Variants in ANO2 observed in about 807,000 individuals in gnomAD.
ANO2 encodes anoctamin-2.
ANO2 carries 101 observed loss-of-function variants against 124.2 expected under a neutral mutation model. The observed-to-expected ratio is 0.81, with a 90% CI of 0.69 to 0.96. ANO2 has a LOEUF of 0.96. Ranked by LOEUF, ANO2 falls within the 40% of genes least tolerant of loss-of-function variation. The probability of loss-of-function intolerance (pLI) is 0.00; values close to 1 mark genes in which losing one functional copy is unlikely to be tolerated. For missense variants in ANO2, 1,293 were observed against 1,274.5 expected, an observed-to-expected ratio of 1.01 and a Z score of -0.22; for synonymous variants, 486 against 482.5, an observed-to-expected ratio of 1.01 and a Z score of -0.09.
At chr12:5,885,047 T>C (rs887660497) in intron 3 of ANO2, among the ~76,000 whole-genome samples, 1 of 152,218 alleles carries the variant, frequency 6.6e-6, no homozygotes, top group Non-Finnish European at 1.5e-5. Context: ...CCTGGCCTCA[T>C]GTCAGATTAA....
chr12:5,935,644 C>G (rs1325022015), intron 1 of ANO2, among the ~76,000 whole-genome samples: 2 of 152,260 alleles, frequency 1.3e-5, no homozygotes, highest in East Asian at 3.9e-4. Context: ...CAGAAGCATA[C>G]AAGACCTATT....
At chr12:5,625,294 G>A (rs751153491) in intron 16 of ANO2, among the ~76,000 whole-genome samples, 1 of 152,044 alleles carries the variant, frequency 6.6e-6, no homozygotes, top group Non-Finnish European at 1.5e-5. Flanking sequence ...TGAAACTTGT[G>A]AAAAATGGTC....
intron 11 of ANO2, among the ~76,000 whole-genome samples, chr12:5,749,493 T>C (rs1951375337): frequency 6.6e-6 from 1 of 152,246 alleles, no homozygotes; most frequent in Non-Finnish European, 1.5e-5. Context: ...CAACAAATGC[T>C]AGAAAGAGTC....
At chr12:5,898,425 A>C (rs1939942409) in intron 3 of ANO2, among the ~76,000 whole-genome samples, 1 of 152,232 alleles carries the variant, frequency 6.6e-6, no homozygotes, top group Non-Finnish European at 1.5e-5. Flanking sequence ...TTACCAAAAG[A>C]CCTGTAAAAG....
intron 14 of ANO2, among the ~76,000 whole-genome samples, chr12:5,651,648 G>A (rs375573451): frequency 1.3e-5 from 2 of 152,108 alleles, no homozygotes; most frequent in East Asian, 3.9e-4. Flanking sequence ...GTTTACTTCT[G>A]TAAGTTTTGA....
chr12:5,576,055 A>C, intron 22 of ANO2, 40 bp from the exon 23 acceptor site: 1 of 1,544,232 alleles, frequency 6.5e-7, no homozygotes, highest in Non-Finnish European at 8.8e-7. Context: ...GCCAGGATTG[A>C]TGCTAAAAAG....
chr12:5,843,764 C>T (rs1050038163), intron 4 of ANO2, among the ~76,000 whole-genome samples: 105 of 152,220 alleles, frequency 6.9e-4, no homozygotes, highest in African/African-American at 2.4e-3. Context: ...TCATCCTGAG[C>T]GACTCTGCTA....
rs2024477346 is a variant in ANO2 at position 5,635,802 on chromosome 12, G to A, written c.1621-455C>T. Among the ~76,000 whole-genome samples, 1 of 152,164 alleles carries A rather than the reference G, an allele frequency of 6.6e-6. No homozygotes were observed. The highest frequency in any genetic ancestry group is 2.4e-5 in the African/African-American group (1 of 41,442). On this transcript the variant is annotated intron_variant, in intron 15 of 24. Coordinates refer to ENST00000682330, the MANE Select transcript of ANO2 (RefSeq NM_001364791.2). This position sits in a 1 kb window ranked among gnomAD's most constrained non-coding sequence, Gnocchi z 5.2. ...TAAATGAGGAGTATAATTGCTGAAGGAACTCCAAGTACACGGGAGAAAGTA... is the reference window on the plus strand; with the variant it reads ...TAAATGAGGAGTATAATTGCTGAAGAAACTCCAAGTACACGGGAGAAAGTA...
chr12:5,834,787 C>T (rs1208612457), intron 4 of ANO2, among the ~76,000 whole-genome samples: 1 of 152,102 alleles, frequency 6.6e-6, no homozygotes, highest in East Asian at 1.9e-4. Flanking sequence ...ACTCAATTCC[C>T]ACCCTCCTCT....
intron 3 of ANO2, among the ~76,000 whole-genome samples, chr12:5,861,526 C>T (rs1955269985): frequency 6.6e-6 from 1 of 152,190 alleles, no homozygotes; most frequent in African/African-American, 2.4e-5. Context: ...CGGGAGGCAG[C>T]CCCAGCCAAA....
intron 16 of ANO2, among the ~76,000 whole-genome samples, chr12:5,619,973 G>A (rs1945028164): frequency 6.6e-6 from 1 of 152,352 alleles, no homozygotes; most frequent in South Asian, 2.1e-4. Flanking sequence ...AGGCCCAGAG[G>A]TCACTGAGGG....
rs549523109 is a variant in ANO2, at chr12:5,724,578, C to T, written c.1545+7942G>A. Among the ~76,000 whole-genome samples the T allele has an allele frequency of 5.1e-4, 77 of 152,354 alleles. 1 individual carries two copies. The highest frequency in any genetic ancestry group is 7.6e-4 in the Non-Finnish European group (52 of 68,046). ...CAACAATTATGCATAATTTATTCCA[C>T]GTGTTTGTTTATTGTGCCTGCCAGA... On this transcript the variant is annotated intron_variant, in intron 14 of 24. Coordinates refer to ENST00000682330, the MANE Select transcript of ANO2 (RefSeq NM_001364791.2).
At position 5,827,857 on chromosome 12, in the gene ANO2, T is replaced by A. The variant is rs187957025; in HGVS notation, c.841-37A>T. 3.8e-5 allele frequency: 61 copies of A among 1,591,078 alleles called. No individual in the cohort carries two copies. The South Asian group carries it at 4.8e-4, about 13-fold the overall frequency. ...CGACAGCAGAGCTGTGAGCTCCTAG[T>A]TCCCCCCCGCCCTCCACCGTGTGTC... On this transcript the variant is annotated intron_variant, in intron 6 of 24. Transcript: ENST00000682330.
chr12:5,912,912 G>C (rs534686495), intron 3 of ANO2, among the ~76,000 whole-genome samples: 73 of 152,296 alleles, frequency 4.8e-4, no homozygotes, highest in South Asian at 1.2e-3. Flanking sequence ...GTAGAGACGA[G>C]GGCATCATTA....
intron 9 of ANO2, among the ~76,000 whole-genome samples, chr12:5,805,796 T>A (rs1383379289): frequency 6.6e-6 from 1 of 151,814 alleles, no homozygotes; most frequent in Non-Finnish European, 1.5e-5. Flanking sequence ...CATGGGAGGG[T>A]GGGGTGAGGG....
intron 14 of ANO2, among the ~76,000 whole-genome samples, chr12:5,680,631 G>A (rs777745718): frequency 2.0e-5 from 3 of 152,182 alleles, no homozygotes; most frequent in Non-Finnish European, 2.9e-5. Context: ...GCATTATAAA[G>A]TAGTGAATTC....
rs142515662 is a variant in ANO2, at chr12:5,664,256, C to T, written c.1546-16455G>A. On this transcript the variant is annotated intron_variant, in intron 14 of 24. Transcript: ENST00000682330. Reference sequence around the variant, plus strand: ...CCATCTATCTACCCATCCTTCCACCCATCCACCCACCCATCTACCTATCCA... The same window carrying T: ...CCATCTATCTACCCATCCTTCCACCTATCCACCCACCCATCTACCTATCCA... 6.6e-5 allele frequency among the ~76,000 whole-genome samples: 10 copies of T among 152,194 alleles called. No homozygotes were observed. The East Asian group carries it at 1.7e-3, about 27-fold the overall frequency.
intron 3 of ANO2, among the ~76,000 whole-genome samples, chr12:5,920,709 T>C (rs1430390156): frequency 6.6e-6 from 1 of 151,646 alleles, no homozygotes; most frequent in Admixed American, 6.6e-5. Flanking sequence ...ACTAAAAAAA[T>C]ACAAAAAATT....
chr12:5,615,378 A>G (rs1944753581), intron 16 of ANO2, 81 bp from the exon 17 acceptor site: 3 of 1,026,422 alleles, frequency 2.9e-6, no homozygotes, highest in Admixed American at 4.4e-5. Context: ...ATGAGCTACT[A>G]TCTCTCAGCT....
Sources: allele counts gnomAD v4.1 joint callset (sites outside exome capture counted in the v4.1 genomes callset), GRCh38; gene constraint gnomAD v4.1.1; non-coding constraint Gnocchi (gnomAD v3.1); transcripts MANE v1.5; gene names NCBI Gene and HGNC (gene_info 2026-07-23, HGNC 2026-07-21).